Variants in VPS13D observed in about 807,000 individuals in gnomAD.
The protein encoded by VPS13D is intermembrane lipid transfer protein VPS13D.
VPS13D carries 187 observed loss-of-function variants against 461.9 expected under a neutral mutation model. The ratio of observed to expected loss-of-function variants is 0.40; its 90% CI spans 0.36 to 0.46. The LOEUF is 0.46. VPS13D is among the 20% of genes least tolerant of loss of function. VPS13D has a pLI of 0.60. For synonymous variants in VPS13D, 1,951 were observed against 1,986.3 expected, an observed-to-expected ratio of 0.98 and a Z score of 0.47; for missense variants, 4,711 against 5,364.9, an observed-to-expected ratio of 0.88 and a Z score of 3.81.
chr1:12,254,681 G>T (rs534532603), intron 7 of VPS13D, among the ~76,000 whole-genome samples: 1 of 151,638 alleles, frequency 6.6e-6, no homozygotes, highest in African/African-American at 2.4e-5. Context: ...CCACCAACAT[G>T]CCCAGCTAAT....
rs199838853 is a variant in VPS13D, at chr1:12,383,198, C to T, written c.11370+43C>T. The T allele has an allele frequency of 3.9e-6, 6 of 1,551,770 alleles. No individual in the cohort carries two copies. In the East Asian group the frequency reaches 1.4e-4, roughly 35 times the overall value. ...GAGCTGATGTGAAACTCTGTACTTCCTCCACCCCCAATGATTACTCATTTA... is the reference window on the plus strand; with the variant it reads ...GAGCTGATGTGAAACTCTGTACTTCTTCCACCCCCAATGATTACTCATTTA... On this transcript the variant is annotated intron_variant, in intron 58 of 69. Transcript: ENST00000620676.
chr1:12,400,299 C>T lies in VPS13D; in HGVS notation c.11753C>T (p.Pro3918Leu). Reference sequence around the variant, plus strand: ...GTGCAAGTCAACGCAGTGAAGTTCCCCAGTAAGAGTGCACTGACCAACATC... The same window carrying T: ...GTGCAAGTCAACGCAGTGAAGTTCCTCAGTAAGAGTGCACTGACCAACATC... ...PAVQVNAVKF[P>L]SKSALTNIYK... The change falls in exon 61 of 70, where the codon CCC becomes CTC. Residue 3918 changes from proline (P) to leucine (L), a missense_variant. This residue lies in a region of VPS13D where 4,411 missense variants were observed against 4,937.8 expected (regional missense o/e 0.89). Coordinates refer to ENST00000620676, the MANE Select transcript of VPS13D (RefSeq NM_015378.4). The T allele has an allele frequency of 6.2e-7, 1 of 1,614,082 alleles. No homozygotes were observed. The highest frequency in any genetic ancestry group is 8.5e-7 in the Non-Finnish European group (1 of 1,180,020).
intron 5 of VPS13D, among the ~76,000 whole-genome samples, chr1:12,246,793 T>C (rs769539477): frequency 3.2e-4 from 49 of 152,314 alleles, no homozygotes; most frequent in Non-Finnish European, 5.9e-4. Context: ...CATATTAAAG[T>C]TTGGTCAAGT....
rs78206955 is a variant in VPS13D at position 12,349,015 on chromosome 1, A to G, written c.9220+42A>G. 8,519 of 1,612,322 alleles carry G rather than the reference A, an allele frequency of 5.3e-3. 41 individuals are homozygous for G. The highest frequency in any genetic ancestry group is 5.8e-3 in the Non-Finnish European group (6,849 of 1,178,494). On this transcript the variant is annotated intron_variant, in intron 45 of 69. Coordinates refer to ENST00000620676, the MANE Select transcript of VPS13D (RefSeq NM_015378.4). The stretch of plus-strand genomic sequence containing the variant: ...TAGCATATAGTAAATGCTGATAAAT[A>G]CTTCTTGACTGTTGTCAAGTCTCTT...
intron 62 of VPS13D, among the ~76,000 whole-genome samples, chr1:12,402,087 A>G (rs1418577211): frequency 6.6e-6 from 1 of 152,214 alleles, no homozygotes; most frequent in African/African-American, 2.4e-5. Context: ...AACAGACTCC[A>G]GGCCAAGAAT....
intron 6 of VPS13D, among the ~76,000 whole-genome samples, chr1:12,252,783 AAAAAC>A (rs1469093616): frequency 2.0e-5 from 3 of 151,296 alleles, no homozygotes; most frequent in Non-Finnish European, 4.4e-5. Flanking sequence ...AAAAAAAAAA[AAAAAC>A]AAGAGAAGAA....
intron 67 of VPS13D, among the ~76,000 whole-genome samples, chr1:12,496,906 G>C (rs1017185799): frequency 6.6e-6 from 1 of 151,118 alleles, no homozygotes; most frequent in East Asian, 1.9e-4. Flanking sequence ...GGTCCAGGGG[G>C]CATTCTTCCC....
At chr1:12,425,123 GTTCT>G (rs1269965520) in intron 65 of VPS13D, among the ~76,000 whole-genome samples, 6 of 152,028 alleles carry the variant, frequency 3.9e-5, no homozygotes, top group Non-Finnish European at 5.9e-5. Context: ...TGTTTGGAAG[GTTCT>G]TTCTAATTTT....
chr1:12,472,312 C>T (rs1557460871), intron 67 of VPS13D, among the ~76,000 whole-genome samples: 1 of 152,208 alleles, frequency 6.6e-6, no homozygotes, highest in Non-Finnish European at 1.5e-5. Context: ...GACCTGCTGA[C>T]TCTGGGCTCC....
rs964487301 is a variant in VPS13D, at chr1:12,508,876, C to T, written c.13036-17C>T. ...CCCATCCTGGGGACAGGTGACCCAT[C>T]CTGTTCTCCTCCTTAGGTCCATGTG... On this transcript the variant is annotated splice_polypyrimidine_tract_variant and intron_variant, in intron 69 of 69. Transcript: ENST00000620676. The T allele has an allele frequency of 1.9e-6, 3 of 1,612,584 alleles. No homozygotes were observed. Among genetic ancestry groups the T allele is most frequent in the Admixed American group, 1.7e-5 (1 of 59,848 alleles).
At chr1:12,250,243 AGAGGTCAGT>A (rs200361482) in intron 6 of VPS13D, among the ~76,000 whole-genome samples, 3,131 of 152,308 alleles carry the variant, frequency 0.021, 153 homozygotes, top group Admixed American at 0.12. Flanking sequence ...CCCATCACCC[AGAGGTCAGT>A]GAGTGGTGCT....
chr1:12,291,492 A>G (rs145634754), intron 23 of VPS13D, among the ~76,000 whole-genome samples: 59 of 152,284 alleles, frequency 3.9e-4, no homozygotes, highest in African/African-American at 1.3e-3. Flanking sequence ...GTGTGGTGGT[A>G]TGCAACTGTA....
Position 12,277,748 on chromosome 1 carries a change from C to T in VPS13D, c.4160C>T (p.Ser1387Phe). 6.2e-7 allele frequency: 1 copy of T among 1,614,214 alleles called. No individual in the cohort carries two copies. Among genetic ancestry groups the T allele is most frequent in the Non-Finnish European group, 8.5e-7 (1 of 1,180,038 alleles). Residue 1387 changes from serine (S) to phenylalanine (F), a missense_variant, in exon 19 of 70, where the codon TCT becomes TTT. Transcript: ENST00000620676. ...LNINIESPVV[S>F]IPRKPGSPEL... is the part of the protein sequence containing the mutation. Reference sequence around the variant, plus strand: ...ATAAACATTGAATCACCAGTTGTTTCTATCCCTCGGAAGCCGGGGAGTCCT... The same window carrying T: ...ATAAACATTGAATCACCAGTTGTTTTTATCCCTCGGAAGCCGGGGAGTCCT...
At chr1:12,261,233 C>T in intron 12 of VPS13D, 84 bp downstream of exon 12, 1 of 1,505,214 alleles carries the variant, frequency 6.6e-7, no homozygotes, top group African/African-American at 1.4e-5. Flanking sequence ...TCAAATTTAA[C>T]AAAAGTAGAT....
At chr1:12,470,552 G>A (rs1403059263) in intron 67 of VPS13D, among the ~76,000 whole-genome samples, 1 of 152,136 alleles carries the variant, frequency 6.6e-6, no homozygotes, top group Non-Finnish European at 1.5e-5. Context: ...GTATGTACAG[G>A]CAAATTGACA....
chr1:12,314,077 T>C (rs1642828774), intron 29 of VPS13D, 38 bp from the exon 30 acceptor site: 1 of 1,580,974 alleles, frequency 6.3e-7, no homozygotes, highest in Non-Finnish European at 8.7e-7. Context: ...GGAAGAGTTG[T>C]GTTTCACATC....
chr1:12,291,220 T>C (rs1461919056), intron 23 of VPS13D, 96 bp downstream of exon 23: 2 of 1,397,410 alleles, frequency 1.4e-6, no homozygotes, highest in African/African-American at 2.9e-5. Context: ...CTTTTAAAAA[T>C]TTTTACCTTC....
chr1:12,498,010 C>G (rs1007287507), intron 68 of VPS13D, among the ~76,000 whole-genome samples: 2 of 152,110 alleles, frequency 1.3e-5, no homozygotes, highest in African/African-American at 4.8e-5. Context: ...CAAAACAAAA[C>G]AGAAAAACAA....
intron 46 of VPS13D, among the ~76,000 whole-genome samples, 163 bp downstream of exon 46, chr1:12,349,537 AGTGCTAACG>A (rs1643750706): frequency 6.6e-6 from 1 of 152,172 alleles, no homozygotes; most frequent in South Asian, 2.1e-4. Flanking sequence ...TGAGAACTCA[AGTGCTAACG>A]GTTGGTGGGG....
Sources: gnomAD v4.1 joint callset for allele counts (sites outside exome capture counted in the v4.1 genomes callset) on GRCh38, gnomAD v4.1.1 for gene constraint, gnomAD v4.1.1 regional missense constraint, MANE v1.5 for transcripts, NCBI Gene and HGNC (gene_info 2026-07-23, HGNC 2026-07-21) for gene names.